ANO3: variants seen among roughly 807,000 people sequenced by gnomAD.
ANO3 encodes anoctamin-3.
ANO3 carries 99 observed loss-of-function variants against 144.8 expected under a neutral mutation model. The ratio of observed to expected loss-of-function variants is 0.68; its 90% CI spans 0.58 to 0.81. The LOEUF (loss-of-function observed/expected upper bound fraction) is 0.81, where lower values mean the gene tolerates loss of function less well. Ranked by LOEUF, ANO3 falls within the 30% of genes least tolerant of loss-of-function variation. The pLI is 0.00. For missense variants in ANO3, 905 were observed against 1,202.2 expected, an observed-to-expected ratio of 0.75 and a Z score of 3.66; for synonymous variants, 414 against 392.6, an observed-to-expected ratio of 1.05 and a Z score of -0.64.
chr11:26,345,721 A>T (rs999551328), intron 1 of ANO3, among the ~76,000 whole-genome samples: 1 of 152,246 alleles, frequency 6.6e-6, no homozygotes, highest in Admixed American at 6.5e-5. Context: ...TTTATTAAAC[A>T]CTTGAAAGAA....
At chr11:26,622,545 G>T (rs1173395561) in intron 17 of ANO3, among the ~76,000 whole-genome samples, 1 of 152,116 alleles carries the variant, frequency 6.6e-6, no homozygotes, top group Non-Finnish European at 1.5e-5. Flanking sequence ...AGTTTAGGAT[G>T]CAGTGAGTTG....
chr11:26,615,220 C>A (rs1396628048), intron 17 of ANO3, among the ~76,000 whole-genome samples: 2 of 149,064 alleles, frequency 1.3e-5, no homozygotes, highest in Non-Finnish European at 3.0e-5. Context: ...ATAAAACCAC[C>A]GCTATACAAG....
chr11:26,255,804 A>G (rs1483403399), intron 1 of ANO3, among the ~76,000 whole-genome samples: 1 of 152,148 alleles, frequency 6.6e-6, no homozygotes, highest in Non-Finnish European at 1.5e-5. Flanking sequence ...GATGCTCTAC[A>G]GTCTTATCTA....
chr11:26,302,971 G>A (rs1007401095), intron 1 of ANO3, among the ~76,000 whole-genome samples: 1 of 152,094 alleles, frequency 6.6e-6, no homozygotes, highest in African/African-American at 2.4e-5. Context: ...TCAGAGAAAT[G>A]CAAATCAAAA....
chr11:26,580,854 T>C (rs1055755321), intron 14 of ANO3, among the ~76,000 whole-genome samples: 3 of 152,196 alleles, frequency 2.0e-5, no homozygotes, highest in African/African-American at 7.2e-5. Flanking sequence ...AAATGGTTAG[T>C]AAATATTATT....
intron 9 of ANO3, among the ~76,000 whole-genome samples, chr11:26,536,255 G>A (rs1204991021): frequency 6.6e-6 from 1 of 151,182 alleles, no homozygotes; most frequent in Admixed American, 6.6e-5. Context: ...GGAAGTGAAG[G>A]TTGCAGTGAG....
intron 11 of ANO3, among the ~76,000 whole-genome samples, chr11:26,545,676 A>G (rs1258284818): frequency 1.3e-5 from 2 of 151,420 alleles, no homozygotes; most frequent in Admixed American, 6.6e-5. Flanking sequence ...CAGCAGAATT[A>G]TATCATTGAA....
chr11:26,432,155 TC>T (rs1281281752), intron 1 of ANO3, among the ~76,000 whole-genome samples: 1 of 152,164 alleles, frequency 6.6e-6, no homozygotes, highest in Non-Finnish European at 1.5e-5. Context: ...ACTCTAATGA[TC>T]AGTGGTATTG....
At chr11:26,482,217 T>A (rs185705536) in intron 4 of ANO3, among the ~76,000 whole-genome samples, 126 of 152,066 alleles carry the variant, frequency 8.3e-4, no homozygotes, top group East Asian at 7.9e-3. Flanking sequence ...TCTTTTTTTT[T>A]AATTTTATTA....
intron 5 of ANO3, 128 bp from the exon 6 acceptor site, chr11:26,516,699 C>A (rs886871739): frequency 2.6e-5 from 13 of 501,178 alleles, no homozygotes; most frequent in African/African-American, 2.4e-4. Context: ...ATATAAATTT[C>A]TTTTAAATCA....
At chr11:26,542,431 A>G (rs1321447854) in intron 11 of ANO3, among the ~76,000 whole-genome samples, 2 of 152,042 alleles carry the variant, frequency 1.3e-5, no homozygotes, top group African/African-American at 4.8e-5. Context: ...AGCCATGGAG[A>G]GGGCATAGAG....
chr11:26,564,753 A>AGTT (rs1850487823), intron 14 of ANO3, among the ~76,000 whole-genome samples: 1 of 71,766 alleles, frequency 1.4e-5, no homozygotes. Context: ...ATATATATAT[A>AGTT]TATATATATA....
At chr11:26,343,751 T>A (rs890351097) in intron 1 of ANO3, among the ~76,000 whole-genome samples, 6 of 152,220 alleles carry the variant, frequency 3.9e-5, no homozygotes, top group Non-Finnish European at 5.9e-5. Context: ...TACGAGTGTA[T>A]GACCTTTGCC....
chr11:26,190,843 C>T (rs1446183250), intron 1 of ANO3, among the ~76,000 whole-genome samples: 1 of 152,212 alleles, frequency 6.6e-6, no homozygotes, highest in Admixed American at 6.5e-5. Context: ...AAACTCAACA[C>T]ATCCCAGTTG....
chr11:26,267,870 A>AT (rs140266906), intron 1 of ANO3, among the ~76,000 whole-genome samples: 2,994 of 151,804 alleles, frequency 0.02, 60 homozygotes, highest in East Asian at 0.12. Flanking sequence ...CTTTTGTCTC[A>AT]TTTTTTTTCT....
chr11:26,587,659 GA>G (rs1440585505), intron 14 of ANO3, among the ~76,000 whole-genome samples: 1 of 152,102 alleles, frequency 6.6e-6, no homozygotes, highest in Non-Finnish European at 1.5e-5. Context: ...CTAAGCACGA[GA>G]GTTAAAAAGG....
chr11:26,576,461 G>A (rs1209065082), intron 14 of ANO3, among the ~76,000 whole-genome samples: 1 of 152,098 alleles, frequency 6.6e-6, no homozygotes, highest in Non-Finnish European at 1.5e-5. Flanking sequence ...AAGTGTACAA[G>A]CACATATTAG....
intron 1 of ANO3, among the ~76,000 whole-genome samples, chr11:26,277,081 C>A (rs1276310616): frequency 6.6e-6 from 1 of 151,950 alleles, no homozygotes; most frequent in East Asian, 1.9e-4. Context: ...TACTTGGGGG[C>A]AGGGGTAATT....
chr11:26,631,036 G>A (rs951744728), intron 18 of ANO3, among the ~76,000 whole-genome samples: 1 of 149,726 alleles, frequency 6.7e-6, no homozygotes, highest in African/African-American at 2.5e-5. Context: ...ACCTATTTTT[G>A]AGCCATTTTT....
Sources: gnomAD v4.1 joint callset for allele counts (sites outside exome capture counted in the v4.1 genomes callset) on GRCh38, gnomAD v4.1.1 for gene constraint, MANE v1.5 for transcripts, NCBI Gene and HGNC (gene_info 2026-07-23, HGNC 2026-07-21) for gene names.